Variants in TENM3 observed in about 807,000 individuals in gnomAD.
TENM3 encodes the protein teneurin transmembrane protein 3.
A neutral mutation model predicts 255.1 loss-of-function variants in TENM3; 63 were observed. The observed-to-expected ratio is 0.25, with a 90% CI of 0.20 to 0.30. The LOEUF (loss-of-function observed/expected upper bound fraction) is 0.30, where lower values mean the gene tolerates loss of function less well. TENM3 is among the 10% of genes least tolerant of loss of function. The pLI is 1.00. For missense variants in TENM3, 2,929 were observed against 3,461.1 expected, an observed-to-expected ratio of 0.85 and a Z score of 3.86; for synonymous variants, 1,306 against 1,322.3, an observed-to-expected ratio of 0.99 and a Z score of 0.27.
the TENM3 span, among the ~76,000 whole-genome samples, chr4:181,703,123 G>A: frequency 2.0e-5 from 3 of 152,304 alleles, no homozygotes; most frequent in Admixed American, 6.5e-5. Context: ...TCAGACCGAA[G>A]CAGATCAGCC....
At chr4:182,050,347 G>A in the TENM3 span, among the ~76,000 whole-genome samples, 1 of 152,074 alleles carries the variant, frequency 6.6e-6, no homozygotes, top group South Asian at 2.1e-4. Flanking sequence ...TACAAAAGAT[G>A]AATCAAACAT....
intron 12 of TENM3, chr4:182,698,109 G>A (rs754958219): frequency 1.3e-5 from 2 of 152,090 alleles, no homozygotes; most frequent in South Asian, 2.1e-4. Flanking sequence ...AGCCAAATTC[G>A]TCTTTCGCTC....
intron 3 of TENM3, among the ~76,000 whole-genome samples, chr4:182,530,872 AG>A (rs1446845722): frequency 6.6e-5 from 10 of 152,240 alleles, no homozygotes; most frequent in African/African-American, 2.4e-4. Context: ...GAAATGGGGA[AG>A]ACTGTGGGAG....
chr4:182,252,541 A>AT (rs1207888833), intron 1 of TENM3, among the ~76,000 whole-genome samples: 2 of 152,124 alleles, frequency 1.3e-5, no homozygotes, highest in African/African-American at 4.8e-5. Flanking sequence ...TTTAAATAAG[A>AT]TTTTTTCCAC....
At chr4:181,888,509 T>TATATATATATAC in the TENM3 span, among the ~76,000 whole-genome samples, 42 of 32,416 alleles carry the variant, frequency 1.3e-3, 2 homozygotes, top group East Asian at 0.013. Flanking sequence ...TATATATATA[T>TATATATATATAC]ATATATGTAT....
intron 1 of TENM3, among the ~76,000 whole-genome samples, chr4:182,281,883 G>A (rs1013167839): frequency 1.3e-5 from 2 of 152,096 alleles, no homozygotes; most frequent in East Asian, 1.9e-4. Context: ...TTACAGATGT[G>A]TACCACCATA....
chr4:181,923,041 G>A, the TENM3 span, among the ~76,000 whole-genome samples: 6 of 152,120 alleles, frequency 3.9e-5, no homozygotes, highest in East Asian at 3.9e-4. Flanking sequence ...GTAGTTGAGC[G>A]GCTTTGAGTG....
the TENM3 span, among the ~76,000 whole-genome samples, chr4:182,047,980 G>A: frequency 2.0e-5 from 3 of 152,212 alleles, no homozygotes; most frequent in Admixed American, 6.5e-5. Flanking sequence ...CAGTGGCCCC[G>A]AGGAATATTC....
intron 2 of TENM3, among the ~76,000 whole-genome samples, chr4:182,335,118 T>A (rs72698100): frequency 0.21 from 32,018 of 151,724 alleles, 3,559 homozygotes; most frequent in East Asian, 0.36. Flanking sequence ...CCTTCTCTAC[T>A]TTGGACTAGT....
At chr4:182,004,368 T>C in the TENM3 span, among the ~76,000 whole-genome samples, 1 of 152,286 alleles carries the variant, frequency 6.6e-6, no homozygotes. Context: ...GCTTCCAGCT[T>C]CATCCATGTT....
chr4:182,741,665 G>A (rs1355673525), intron 18 of TENM3, among the ~76,000 whole-genome samples: 1 of 152,166 alleles, frequency 6.6e-6, no homozygotes, highest in East Asian at 1.9e-4. Context: ...TATCACTAAT[G>A]CATTCTTTGA....
chr4:182,462,035 A>G (rs1229561370), intron 3 of TENM3, among the ~76,000 whole-genome samples: 2 of 149,670 alleles, frequency 1.3e-5, no homozygotes, highest in East Asian at 3.9e-4. Flanking sequence ...AAACTGCCTC[A>G]TATCTTACAT....
At chr4:181,554,210 G>A in the TENM3 span, among the ~76,000 whole-genome samples, 4 of 152,186 alleles carry the variant, frequency 2.6e-5, no homozygotes, top group Admixed American at 6.5e-5. Context: ...TACTAGAATA[G>A]AGTGAAATCC....
At chr4:181,784,366 A>G in the TENM3 span, among the ~76,000 whole-genome samples, 539 of 152,216 alleles carry the variant, frequency 3.5e-3, 1 homozygote, top group Middle Eastern at 0.017. Context: ...TTAATAAAAT[A>G]TCTTAATTTA....
chr4:182,032,018 C>T, the TENM3 span, among the ~76,000 whole-genome samples: 6 of 152,192 alleles, frequency 3.9e-5, no homozygotes, highest in East Asian at 7.7e-4. Context: ...TTTGACTTCC[C>T]CTCTTCCTAT....
At chr4:182,412,036 T>C (rs55971311) in intron 3 of TENM3, among the ~76,000 whole-genome samples, 2,099 of 152,244 alleles carry the variant, frequency 0.014, 40 homozygotes, top group African/African-American at 0.047. Flanking sequence ...CAGTACCTGA[T>C]CCAACGCCTG....
At chr4:181,563,341 A>T in the TENM3 span, among the ~76,000 whole-genome samples, 1 of 152,210 alleles carries the variant, frequency 6.6e-6, no homozygotes, top group Non-Finnish European at 1.5e-5. Flanking sequence ...AGGTTTTCTC[A>T]CTATGTGTGT....
At chr4:181,471,143 G>A in the TENM3 span, among the ~76,000 whole-genome samples, 8 of 152,044 alleles carry the variant, frequency 5.3e-5, no homozygotes, top group Admixed American at 5.2e-4. Context: ...TTAATTTTAA[G>A]AGAACTTCAA....
intron 1 of TENM3, among the ~76,000 whole-genome samples, chr4:182,298,141 G>A (rs746161073): frequency 4.6e-4 from 70 of 152,224 alleles, no homozygotes; most frequent in African/African-American, 1.1e-3. Context: ...AGCACCTGTC[G>A]CCACTTATAA....
Sources: allele counts gnomAD v4.1 joint callset (sites outside exome capture counted in the v4.1 genomes callset), GRCh38; gene constraint gnomAD v4.1.1; transcripts MANE v1.5; gene names NCBI Gene and HGNC (gene_info 2026-07-23, HGNC 2026-07-21).